SHISA6: variants seen among roughly 807,000 people sequenced by gnomAD.
The protein encoded by SHISA6 is protein shisa-6.
In SHISA6, 22 loss-of-function variants were observed where a neutral mutation model predicts 47.9. The observed-to-expected ratio is 0.46, with a 90% CI of 0.33 to 0.66. The LOEUF is 0.66. Among genes scored for constraint, SHISA6 ranks in the 30% least tolerant of loss-of-function variants. The pLI, the probability that SHISA6 is intolerant of heterozygous loss-of-function variation, is 0.02. For missense variants in SHISA6, 680 were observed against 764.6 expected (o/e 0.89, Z 1.30); for synonymous variants, 388 against 337.8 (o/e 1.15, Z -1.63).
At chr17:11,264,007 T>G (rs1290009893) in intron 2 of SHISA6, among the ~76,000 whole-genome samples, 1 of 152,186 alleles carries the variant, frequency 6.6e-6, no homozygotes, top group Non-Finnish European at 1.5e-5. Flanking sequence ...GCTCTGTAGA[T>G]TCCCTGGATG....
chr17:11,442,257 C>T (rs1444074580), intron 3 of SHISA6, among the ~76,000 whole-genome samples: 1 of 151,936 alleles, frequency 6.6e-6, no homozygotes, highest in African/African-American at 2.4e-5. Context: ...GAATGCTGGG[C>T]TGCCAGCAAC....
chr17:11,313,066 ATATT>A (rs1393875167), intron 2 of SHISA6, among the ~76,000 whole-genome samples: 1 of 152,210 alleles, frequency 6.6e-6, no homozygotes, highest in African/African-American at 2.4e-5. Context: ...ATATTCTTAA[ATATT>A]TAACTACAGA....
intron 2 of SHISA6, among the ~76,000 whole-genome samples, chr17:11,365,370 C>T (rs1043494878): frequency 3.3e-5 from 5 of 152,010 alleles, no homozygotes; most frequent in African/African-American, 1.2e-4. Context: ...CTCTGCCTCC[C>T]AGATTCAAGC....
At chr17:11,503,781 A>G (rs1048140790) in intron 3 of SHISA6, among the ~76,000 whole-genome samples, 2 of 152,188 alleles carry the variant, frequency 1.3e-5, no homozygotes, top group African/African-American at 4.8e-5. Context: ...ATGCTGTTTC[A>G]TATAGGAATG....
chr17:11,399,190 A>G (rs17513689), intron 3 of SHISA6, among the ~76,000 whole-genome samples: 24,078 of 152,146 alleles, frequency 0.16, 1,984 homozygotes, highest in South Asian at 0.25. Context: ...AGTAGGAGAA[A>G]TGGAATGCAG....
chr17:11,355,468 A>C (rs1347173863), intron 2 of SHISA6, among the ~76,000 whole-genome samples: 1 of 152,210 alleles, frequency 6.6e-6, no homozygotes, highest in Non-Finnish European at 1.5e-5. Context: ...ATGGGAATAA[A>C]TGAAGGATGT....
intron 3 of SHISA6, among the ~76,000 whole-genome samples, chr17:11,498,829 G>A (rs935213774): frequency 6.6e-6 from 1 of 152,168 alleles, no homozygotes; most frequent in South Asian, 2.1e-4. Flanking sequence ...CTCTGAGCCT[G>A]TATCCCCATA....
chr17:11,546,782 G>A (rs1371600803), intron 3 of SHISA6, among the ~76,000 whole-genome samples: 3 of 152,112 alleles, frequency 2.0e-5, no homozygotes, highest in Admixed American at 6.6e-5. Flanking sequence ...TTAGCTGGAT[G>A]TGGTGGTGGA....
chr17:11,338,161 G>A (rs2142210490), intron 2 of SHISA6, among the ~76,000 whole-genome samples: 1 of 152,308 alleles, frequency 6.6e-6, no homozygotes, highest in South Asian at 2.1e-4. Context: ...AAAGCACACA[G>A]CAACCTCATG....
At position 11,348,280 on chromosome 17, in the gene SHISA6, G is replaced by A. The variant is rs145286432; in HGVS notation, c.800-31134G>A. Among the ~76,000 whole-genome samples, 304 of 152,232 alleles carry A rather than the reference G, an allele frequency of 2.0e-3. 1 individual carries two copies. The highest frequency in any genetic ancestry group is 6.8e-3 in the African/African-American group (284 of 41,534). Reference sequence around the variant, plus strand: ...GGTAAGTTATTTGTTTATGTAAACAGGGATCAGTGTGTTCTATCTTCTTAA... The same window carrying A: ...GGTAAGTTATTTGTTTATGTAAACAAGGATCAGTGTGTTCTATCTTCTTAA... On this transcript the variant is annotated intron_variant, in intron 2 of 5. Transcript: ENST00000441885.
intron 2 of SHISA6, among the ~76,000 whole-genome samples, chr17:11,363,426 T>C (rs1050591846): frequency 2.6e-5 from 4 of 152,206 alleles, no homozygotes; most frequent in Non-Finnish European, 4.4e-5. Context: ...CTGTCTGTTT[T>C]ACAAGGCACT....
chr17:11,250,082 G>A (rs797017743), intron 1 of SHISA6, among the ~76,000 whole-genome samples: 14 of 152,372 alleles, frequency 9.2e-5, no homozygotes, highest in African/African-American at 2.9e-4. Context: ...AGTTGAGTCT[G>A]CAGCAAGCAT....
At chr17:11,373,699 A>G (rs959967055) in intron 2 of SHISA6, among the ~76,000 whole-genome samples, 1 of 152,186 alleles carries the variant, frequency 6.6e-6, no homozygotes, top group African/African-American at 2.4e-5. Context: ...ACTGAGAACC[A>G]TCCATGCTGA....
chr17:11,544,639 G>A (rs2071866115), intron 3 of SHISA6, among the ~76,000 whole-genome samples: 1 of 152,148 alleles, frequency 6.6e-6, no homozygotes, highest in Admixed American at 6.5e-5. Context: ...CAGTCACTAT[G>A]GAAAACAGTT....
rs372464937 is a variant in SHISA6 at position 11,499,683 on chromosome 17, C to CTTTTTTTTTTTTTTTTTTTTT, written c.896-52196_896-52195insTTTTTTTTTTTTTTTTTTTTT. Among the ~76,000 whole-genome samples, 6 of 127,528 alleles carry CTTTTTTTTTTTTTTTTTTTTT rather than the reference C, an allele frequency of 4.7e-5. 1 individual carries two copies. Among genetic ancestry groups the CTTTTTTTTTTTTTTTTTTTTT allele is most frequent in the Non-Finnish European group, 4.9e-5 (3 of 61,418 alleles). 83.7% of individuals were successfully genotyped at this position (127,528 alleles called of 152,430 possible). On this transcript the variant is annotated intron_variant, in intron 3 of 5. Transcript: ENST00000441885. ...AATTTGAAATCTATTCTTTTTCTTT[C>CTTTTTTTTTTTTTTTTTTTTT]TTTTTTTTTTTTTTTTTGTTGTTGT... is the stretch of plus-strand genomic sequence containing the variant.
chr17:11,262,433 A>G (rs140656327), intron 1 of SHISA6, among the ~76,000 whole-genome samples: 3,602 of 152,286 alleles, frequency 0.024, 62 homozygotes, highest in Non-Finnish European at 0.035. Flanking sequence ...GTGGCTGTCC[A>G]CACTCATCTG....
chr17:11,491,991 G>A (rs1372662753), intron 3 of SHISA6, among the ~76,000 whole-genome samples: 14 of 152,014 alleles, frequency 9.2e-5, no homozygotes, highest in South Asian at 2.1e-4. Context: ...GGATGGTCTC[G>A]ATCTCTTGAC....
chr17:11,358,424 A>T (rs1191761723), intron 2 of SHISA6, among the ~76,000 whole-genome samples: 1 of 149,992 alleles, frequency 6.7e-6, no homozygotes, highest in East Asian at 2.0e-4. Flanking sequence ...CAGTGGTGCG[A>T]TCGCCACTCA....
intron 3 of SHISA6, among the ~76,000 whole-genome samples, chr17:11,501,519 T>C (rs1169184561): frequency 1.3e-5 from 2 of 152,194 alleles, no homozygotes; most frequent in Non-Finnish European, 1.5e-5. Flanking sequence ...GGAGGTTTTT[T>C]TAGTACTAGA....
Sources: gnomAD v4.1 joint callset for allele counts (sites outside exome capture counted in the v4.1 genomes callset) on GRCh38, gnomAD v4.1.1 for gene constraint, MANE v1.5 for transcripts, NCBI Gene and HGNC (gene_info 2026-07-23, HGNC 2026-07-21) for gene names.